Variants in OXSR1 observed in about 807,000 individuals in gnomAD.
OXSR1 encodes the protein serine/threonine-protein kinase OSR1.
OXSR1 carries 24 observed loss-of-function variants against 79.8 expected under a neutral mutation model. That is an observed-to-expected ratio of 0.30 (90% confidence interval 0.22 to 0.42). The LOEUF is 0.42. Among genes scored for constraint, OXSR1 ranks in the 10% least tolerant of loss-of-function variants. The pLI is 1.00. For missense variants in OXSR1, 430 were observed against 618.4 expected (o/e 0.70, Z 3.23); for synonymous variants, 226 against 209.2 (o/e 1.08, Z -0.69).
At chr3:38,245,131 A>G (rs1017978694) in intron 12 of OXSR1, among the ~76,000 whole-genome samples, 12 of 152,204 alleles carry the variant, frequency 7.9e-5, no homozygotes, top group African/African-American at 2.7e-4. Flanking sequence ...ATGAAGTTAA[A>G]TGAACACAAA....
chr3:38,197,790 C>A (rs1702094727), intron 3 of OXSR1, among the ~76,000 whole-genome samples: 1 of 152,106 alleles, frequency 6.6e-6, no homozygotes, highest in South Asian at 2.1e-4. Context: ...TAAAAGTACC[C>A]AGTAGGGCAA....
Position 38,198,615 on chromosome 3 carries a change from C to A in OXSR1, c.293-107C>A, listed in dbSNP as rs571621077. The A allele has an allele frequency of 9.5e-5, 68 of 718,454 alleles. No homozygotes were observed. The African/African-American group carries it at 1.2e-3, about 13-fold the overall frequency. 44.5% of individuals were successfully genotyped at this position (718,454 alleles called of 1,614,324 possible). A position where few individuals can be genotyped will look rare whatever the true frequency, so the allele number is the denominator to read the frequency against. On this transcript the variant is annotated intron_variant, in intron 3 of 17. Transcript: ENST00000311806. ...ATATTTGCTGTTTTTTTCATTTCTG[C>A]ACAGTTAAGTTTATGAGAAGGTTCA...
intron 12 of OXSR1, 39 bp from the exon 13 acceptor site, chr3:38,246,036 C>T (rs1296374462): frequency 1.1e-5 from 18 of 1,604,068 alleles, no homozygotes; most frequent in Non-Finnish European, 1.5e-5. Flanking sequence ...CCTCCCTTTC[C>T]ACACAACTTA....
intron 6 of OXSR1, 59 bp from the exon 7 acceptor site, chr3:38,223,753 G>A: frequency 7.9e-7 from 1 of 1,271,528 alleles, no homozygotes; most frequent in Non-Finnish European, 1.1e-6. Context: ...CTGGCCAGAA[G>A]CTAACTTTTA....
intron 10 of OXSR1, among the ~76,000 whole-genome samples, chr3:38,232,592 A>G (rs981395160): frequency 9.2e-5 from 14 of 151,848 alleles, no homozygotes; most frequent in Non-Finnish European, 1.8e-4. Context: ...TATCTCTACT[A>G]AAAATACAAA....
intron 1 of OXSR1, among the ~76,000 whole-genome samples, chr3:38,169,307 G>T (rs139167138): frequency 2.5e-4 from 36 of 146,372 alleles, no homozygotes; most frequent in East Asian, 4.0e-4. Context: ...TTTTTTTTTT[G>T]TTTGTTTGTT....
intron 1 of OXSR1, among the ~76,000 whole-genome samples, chr3:38,171,163 T>C (rs1384481055): frequency 1.3e-5 from 2 of 152,170 alleles, no homozygotes; most frequent in Non-Finnish European, 2.9e-5. Context: ...TGACAGCCTC[T>C]CTCCATTTTC....
intron 11 of OXSR1, among the ~76,000 whole-genome samples, chr3:38,241,374 A>G (rs1319929027): frequency 6.6e-6 from 1 of 152,188 alleles, no homozygotes; most frequent in East Asian, 1.9e-4. Flanking sequence ...GCAATACATG[A>G]TCCTAGACTG....
intron 3 of OXSR1, among the ~76,000 whole-genome samples, chr3:38,191,335 G>T (rs773513150): frequency 2.6e-5 from 4 of 151,896 alleles, no homozygotes; most frequent in Non-Finnish European, 4.4e-5. Context: ...CAAAGTGCTG[G>T]GATTACAGGT....
At chr3:38,243,001 A>AAGTT (rs1348967322) in intron 12 of OXSR1, among the ~76,000 whole-genome samples, 2 of 146,188 alleles carry the variant, frequency 1.4e-5, no homozygotes, top group East Asian at 2.0e-4. Flanking sequence ...TGGAAGTGAA[A>AAGTT]AGTTATTTAT....
At chr3:38,228,510 T>A (rs909329973) in intron 8 of OXSR1, among the ~76,000 whole-genome samples, 2 of 152,228 alleles carry the variant, frequency 1.3e-5, no homozygotes, top group Admixed American at 6.5e-5. Context: ...TAAACATTAC[T>A]AAAGCCAATT....
chr3:38,245,847 G>A (rs1039337549), intron 12 of OXSR1, among the ~76,000 whole-genome samples: 1 of 151,978 alleles, frequency 6.6e-6, no homozygotes, highest in Non-Finnish European at 1.5e-5. Context: ...AGTTACAGTG[G>A]GTAAATGTAG....
chr3:38,174,488 A>G (rs190818005), intron 1 of OXSR1, among the ~76,000 whole-genome samples: 35 of 152,292 alleles, frequency 2.3e-4, no homozygotes, highest in Admixed American at 7.8e-4. Flanking sequence ...AGGTTGAGGC[A>G]TGAGAATCGC....
At chr3:38,234,942 A>G (rs1330492352) in intron 10 of OXSR1, among the ~76,000 whole-genome samples, 1 of 152,262 alleles carries the variant, frequency 6.6e-6, no homozygotes, top group Non-Finnish European at 1.5e-5. Flanking sequence ...TATAGCATGG[A>G]TGACCCTTTC....
chr3:38,182,858 A>G, intron 1 of OXSR1, 145 bp from the exon 2 acceptor site: 1 of 462,600 alleles, frequency 2.2e-6, no homozygotes, highest in Non-Finnish European at 3.8e-6. Context: ...GTTTTAACTG[A>G]CACTCTTTAG....
At chr3:38,181,750 G>A (rs565449333) in intron 1 of OXSR1, among the ~76,000 whole-genome samples, 8 of 151,872 alleles carry the variant, frequency 5.3e-5, no homozygotes, top group Non-Finnish European at 1.2e-4. Flanking sequence ...CTTGGTGTTG[G>A]CATCAGTACG....
At position 38,183,109 on chromosome 3, in the gene OXSR1, A is replaced by T; in HGVS notation, c.177A>T (p.Glu59Asp). ...AGAAATGTCAAACTAGCATGGATGA[A>T]CTCCTGGTATGCACATCTTATACTT... ...NLEKCQTSMD[E>D]LLKEIQAMSQ... is the part of the protein sequence containing the mutation. The change falls in exon 2 of 18, where the codon GAA becomes GAT. Residue 59 changes from glutamate (E) to aspartate (D), a missense_variant. Coordinates refer to ENST00000311806, the MANE Select transcript of OXSR1 (RefSeq NM_005109.3). 1.3e-6 allele frequency: 2 copies of T among 1,567,832 alleles called. No homozygotes were observed. The highest frequency in any genetic ancestry group is 4.5e-5 in the East Asian group (2 of 44,446).
chr3:38,204,771 C>T (rs1029209644), intron 4 of OXSR1, among the ~76,000 whole-genome samples: 1 of 151,722 alleles, frequency 6.6e-6, no homozygotes, highest in African/African-American at 2.4e-5. Context: ...AGCTGTGCTG[C>T]CTGGGGTGGG....
At chr3:38,193,319 C>A in intron 3 of OXSR1, 1 of 1,289,530 alleles carries the variant, frequency 7.8e-7, no homozygotes, top group Non-Finnish European at 1.0e-6. Context: ...TGTTAAAGGC[C>A]CTGTTCATAT....
Sources: gnomAD v4.1 joint callset for allele counts (sites outside exome capture counted in the v4.1 genomes callset) on GRCh38, gnomAD v4.1.1 for gene constraint, MANE v1.5 for transcripts, NCBI Gene and HGNC (gene_info 2026-07-23, HGNC 2026-07-21) for gene names.